Variants in MBD5 observed in about 807,000 individuals in gnomAD.
The protein encoded by MBD5 is methyl-CpG-binding domain protein 5.
MBD5 carries 13 observed loss-of-function variants against 117.3 expected under a neutral mutation model. That is an observed-to-expected ratio of 0.11 (90% CI 0.07 to 0.18). MBD5 has a LOEUF of 0.18. Ranked by LOEUF, MBD5 falls within the 10% of genes least tolerant of loss-of-function variation. The pLI is 1.00. For missense variants in MBD5, 1,879 were observed against 2,093.8 expected, an observed-to-expected ratio of 0.90 and a Z score of 2.00; for synonymous variants, 727 against 766.4, an observed-to-expected ratio of 0.95 and a Z score of 0.85.
At chr2:148,185,491 C>CTA (rs1698632419) in intron 2 of MBD5, among the ~76,000 whole-genome samples, 1 of 152,186 alleles carries the variant, frequency 6.6e-6, no homozygotes, top group Admixed American at 6.5e-5. Context: ...TTATCAAGAA[C>CTA]TATTTAATCA....
At chr2:148,385,854 G>T (rs1424412112) in intron 4 of MBD5, among the ~76,000 whole-genome samples, 2 of 150,436 alleles carry the variant, frequency 1.3e-5, no homozygotes, top group South Asian at 2.1e-4. Flanking sequence ...GCAATCTATC[G>T]CAAGGACAAA....
At chr2:148,198,374 G>A (rs1020679917) in intron 2 of MBD5, among the ~76,000 whole-genome samples, 5 of 151,958 alleles carry the variant, frequency 3.3e-5, no homozygotes, top group African/African-American at 1.2e-4. Context: ...CTGTGCATTG[G>A]CTTCCTCTGT....
At chr2:148,098,659 G>C (rs1055864077) in intron 1 of MBD5, among the ~76,000 whole-genome samples, 14 of 152,224 alleles carry the variant, frequency 9.2e-5, no homozygotes, top group South Asian at 4.2e-4. Flanking sequence ...AAATCAGTTG[G>C]TCTCAGGTGT....
rs577895532 is a variant in MBD5, at chr2:148,483,938, C to T, written c.3347C>T (p.Thr1116Ile). 2.8e-5 allele frequency: 44 copies of T among 1,550,512 alleles called. No homozygotes were observed. The South Asian group carries it at 5.1e-4, about 18-fold the overall frequency. ...EVSIATSSQA[T>I]TTTTTTSSAV... ...TCCATAGCAACCTCCTCCCAGGCAA[C>T]CACTACCACAACCACTACATCATCA... Residue 1116 changes from threonine (T) to isoleucine (I), a missense_variant, in exon 9 of 14, where the codon ACC becomes ATC. By Grantham distance (89) the Thr-to-Ile change is moderately conservative. This residue lies in a region of MBD5 where 1,666 missense variants were observed against 1,792.2 expected (regional missense o/e 0.93). Transcript: ENST00000642680.
At chr2:148,305,072 A>AT (rs1701861224) in intron 3 of MBD5, among the ~76,000 whole-genome samples, 3 of 151,582 alleles carry the variant, frequency 2.0e-5, no homozygotes, top group African/African-American at 7.3e-5. Flanking sequence ...CTCAAAAAAA[A>AT]AAAAATAAAA....
chr2:148,363,389 C>T (rs904801921), intron 4 of MBD5, among the ~76,000 whole-genome samples: 10 of 152,084 alleles, frequency 6.6e-5, no homozygotes, highest in Non-Finnish European at 1.0e-4. Context: ...CCCGCCACCA[C>T]GCCCGGCTAA....
intron 4 of MBD5, among the ~76,000 whole-genome samples, chr2:148,368,744 A>G (rs866970083): frequency 1.3e-5 from 2 of 152,180 alleles, no homozygotes; most frequent in Middle Eastern, 3.2e-3. Context: ...ATGAATACAT[A>G]AATGAAGGAG....
intron 8 of MBD5, 133 bp downstream of exon 8, chr2:148,470,594 A>G: frequency 1.3e-6 from 1 of 740,900 alleles, no homozygotes; most frequent in Non-Finnish European, 2.1e-6. Context: ...TTTCTTTAGT[A>G]TTTATAATTT....
chr2:148,169,212 A>G (rs546008493), intron 1 of MBD5, among the ~76,000 whole-genome samples: 104 of 152,148 alleles, frequency 6.8e-4, no homozygotes, highest in Non-Finnish European at 1.4e-3. Flanking sequence ...CTTGATCTTA[A>G]TCACCTAATT....
At chr2:148,478,612 T>A (rs1681047257) in intron 8 of MBD5, among the ~76,000 whole-genome samples, 2 of 152,160 alleles carry the variant, frequency 1.3e-5, no homozygotes, top group Non-Finnish European at 2.9e-5. Flanking sequence ...TGTCATTTCC[T>A]CATTGGACTA....
intron 1 of MBD5, among the ~76,000 whole-genome samples, chr2:148,100,409 T>C (rs1696177965): frequency 6.6e-6 from 1 of 152,130 alleles, no homozygotes; most frequent in Admixed American, 6.5e-5. Flanking sequence ...CTTTCAGTTA[T>C]CTCCTGCTGC....
At chr2:148,440,972 T>G (rs1040079045) in intron 4 of MBD5, among the ~76,000 whole-genome samples, 1 of 152,176 alleles carries the variant, frequency 6.6e-6, no homozygotes, top group African/African-American at 2.4e-5. Context: ...AGTAGGCATT[T>G]TTAGACATTG....
At chr2:148,252,648 C>G (rs1235539828) in intron 3 of MBD5, among the ~76,000 whole-genome samples, 2 of 152,132 alleles carry the variant, frequency 1.3e-5, no homozygotes, top group African/African-American at 4.8e-5. Flanking sequence ...CTCCCAGGCT[C>G]AGGTAATCTT....
At chr2:148,414,300 G>A (rs756970518) in intron 4 of MBD5, among the ~76,000 whole-genome samples, 5 of 152,002 alleles carry the variant, frequency 3.3e-5, no homozygotes, top group Non-Finnish European at 4.4e-5. Context: ...TATTGATTTC[G>A]ATTTTTATTG....
chr2:148,442,347 A>G (rs537945498), intron 4 of MBD5, among the ~76,000 whole-genome samples: 1 of 151,350 alleles, frequency 6.6e-6, no homozygotes, highest in South Asian at 2.1e-4. Context: ...TGGGGGAAAA[A>G]GTGACACAAA....
intron 1 of MBD5, among the ~76,000 whole-genome samples, chr2:148,153,967 G>A (rs1319268047): frequency 7.9e-5 from 10 of 126,134 alleles, no homozygotes; most frequent in African/African-American, 2.7e-4. Context: ...ATCCAGCTTT[G>A]TTCCGTTGCT....
intron 1 of MBD5, chr2:148,055,663 A>C (rs886982804): frequency 7.2e-5 from 11 of 151,872 alleles, no homozygotes; most frequent in Non-Finnish European, 1.3e-4. Context: ...CGATCTCCAG[A>C]CCTCATGACC....
rs751261791 is a variant in MBD5 at position 148,489,493 on chromosome 2, T to C, written c.3861T>C (p.Asp1287=). 2.5e-6 allele frequency: 4 copies of C among 1,614,054 alleles called. No individual in the cohort carries two copies. The highest frequency in any genetic ancestry group is 4.5e-5 in the East Asian group (2 of 44,884). The change falls in exon 11 of 14, where the codon GAT becomes GAC. Residue 1287 remains aspartate, a synonymous_variant. Coordinates refer to ENST00000642680, the MANE Select transcript of MBD5 (RefSeq NM_001378120.1). ...NPNTTLPPFQ[D]TPCELQPRID... ...ACACTACACTTCCACCTTTTCAAGA[T>C]ACACCTTGTGAGTTGCAACCGAGGA...
intron 1 of MBD5, among the ~76,000 whole-genome samples, chr2:148,165,831 CTATG>C (rs1698114142): frequency 1.3e-5 from 2 of 152,202 alleles, no homozygotes; most frequent in South Asian, 4.1e-4. Flanking sequence ...GTATTTGAGA[CTATG>C]TGTGAGAGGC....
Sources: gnomAD v4.1 joint callset for allele counts (sites outside exome capture counted in the v4.1 genomes callset) on GRCh38, gnomAD v4.1.1 for gene constraint, gnomAD v4.1.1 regional missense constraint, MANE v1.5 for transcripts, NCBI Gene and HGNC (gene_info 2026-07-23, HGNC 2026-07-21) for gene names.